PPIG: variants seen among roughly 807,000 people sequenced by gnomAD.
PPIG encodes the protein peptidyl-prolyl cis-trans isomerase G.
A neutral mutation model predicts 87.9 loss-of-function variants in PPIG; 26 were observed. That is an observed-to-expected ratio of 0.30 (90% confidence interval 0.22 to 0.41). The LOEUF (loss-of-function observed/expected upper bound fraction) is 0.41. Ranked by LOEUF, PPIG falls within the 10% of genes least tolerant of loss-of-function variation. The probability of loss-of-function intolerance (pLI) is 1.00; values close to 1 mark genes in which losing one functional copy is unlikely to be tolerated. For synonymous variants in PPIG, 308 were observed against 276.5 expected (o/e 1.11, Z -1.13); for missense variants, 722 against 879.4 (o/e 0.82, Z 2.26).
chr2:169,611,928 C>T (rs1389727200), intron 7 of PPIG, among the ~76,000 whole-genome samples: 1 of 152,020 alleles, frequency 6.6e-6, no homozygotes, highest in Non-Finnish European at 1.5e-5. Flanking sequence ...AGAAGATTTG[C>T]CATTTTAACC....
At chr2:169,602,734 A>G (rs1000391888) in intron 1 of PPIG, among the ~76,000 whole-genome samples, 1 of 152,204 alleles carries the variant, frequency 6.6e-6, no homozygotes, top group Non-Finnish European at 1.5e-5. Flanking sequence ...AACTTTTCAG[A>G]TGAATAGTAA....
At position 169,614,447 on chromosome 2, in the gene PPIG, CTG is replaced by C. The variant is rs769687272; in HGVS notation, c.378-16_378-15del. On this transcript the variant is annotated splice_polypyrimidine_tract_variant and intron_variant, in intron 7 of 13. Transcript: ENST00000260970. The stretch of plus-strand genomic sequence containing the variant: ...TCTGACTTTGTTTTTATTCTTCTAT[CTG>C]ATGATTTCCAAAAGAACAACGAAAC... The C allele has an allele frequency of 1.1e-3, 1,728 of 1,538,662 alleles. 1 individual carries two copies. The highest frequency in any genetic ancestry group is 1.4e-3 in the Non-Finnish European group (1,577 of 1,127,766).
In PPIG at chr2:169,600,078, ATT is replaced by A. The variant is rs57602241; in HGVS notation, c.-69-3549_-69-3548del. On this transcript the variant is annotated intron_variant, in intron 1 of 13. Transcript: ENST00000260970. ...ACACATTTTGTGAGAGGAAAAAAAAATTTTTTTTTTTTTTTTGAAACGGGGTC... is the reference window on the plus strand; with the variant it reads ...ACACATTTTGTGAGAGGAAAAAAAAATTTTTTTTTTTTTTGAAACGGGGTC... 1.7e-3 allele frequency among the ~76,000 whole-genome samples: 246 copies of A among 142,254 alleles called. 1 individual carries two copies. The highest frequency in any genetic ancestry group is 9.6e-3 in the Admixed American group (135 of 14,012). 93.3% of individuals were successfully genotyped at this position (142,254 alleles called of 152,430 possible).
At chr2:169,584,811 A>G (rs1684653311) in intron 1 of PPIG, 1 of 297,388 alleles carries the variant, frequency 3.4e-6, no homozygotes, top group Non-Finnish European at 6.5e-6. Context: ...CACAAGCTGT[A>G]ACATGGCGGC....
Position 169,640,853 on chromosome 2 carries a change from G to A in PPIG, c.*3330G>A, listed in dbSNP as rs1018164476. The stretch of plus-strand genomic sequence containing the variant: ...GCAAGTGCAAAGTCTTTGGCCTATT[G>A]TGTGACAAAGAGGTATATATTAAAG... On this transcript the variant is annotated 3_prime_UTR_variant, in exon 14 of 14. Coordinates refer to ENST00000260970, the MANE Select transcript of PPIG (RefSeq NM_004792.3). The A allele has an allele frequency of 2.0e-5, 3 of 152,094 alleles. No homozygotes were observed. The highest frequency in any genetic ancestry group is 2.0e-4 in the Admixed American group (3 of 15,250). 9.4% of individuals were successfully genotyped at this position (152,094 alleles called of 1,614,324 possible).
intron 1 of PPIG, among the ~76,000 whole-genome samples, chr2:169,588,089 C>T (rs1279043091): frequency 2.6e-5 from 4 of 151,998 alleles, no homozygotes; most frequent in Non-Finnish European, 4.4e-5. Flanking sequence ...CGCTTGAACC[C>T]GGGAGGTGGA....
At chr2:169,612,745 A>G (rs1685525553) in intron 7 of PPIG, among the ~76,000 whole-genome samples, 1 of 152,008 alleles carries the variant, frequency 6.6e-6, no homozygotes, top group Non-Finnish European at 1.5e-5. Flanking sequence ...TTTTTGATTC[A>G]TCTGTTAGTG....
chr2:169,595,261 A>G (rs568004556), intron 1 of PPIG, among the ~76,000 whole-genome samples: 1 of 152,170 alleles, frequency 6.6e-6, no homozygotes, highest in Non-Finnish European at 1.5e-5. Context: ...CTTAAAAGTT[A>G]CCCTTTTCTT....
At chr2:169,600,841 A>G (rs1384697183) in intron 1 of PPIG, among the ~76,000 whole-genome samples, 1 of 152,166 alleles carries the variant, frequency 6.6e-6, no homozygotes, top group African/African-American at 2.4e-5. Flanking sequence ...TTTATTTCCT[A>G]TTTTGTTTTA....
chr2:169,633,272 C>A (rs765237239), intron 12 of PPIG, 25 bp downstream of exon 12: 8 of 1,466,976 alleles, frequency 5.5e-6, no homozygotes, highest in East Asian at 2.3e-5. Context: ...CCCCAGAGAT[C>A]TTCACAATAT....
intron 1 of PPIG, among the ~76,000 whole-genome samples, chr2:169,586,129 T>C (rs1030419222): frequency 2.0e-5 from 3 of 148,866 alleles, no homozygotes; most frequent in Admixed American, 2.0e-4. Context: ...TGGTTCTGTG[T>C]CTTAAACAAG....
At chr2:169,594,197 T>C (rs892778676) in intron 1 of PPIG, among the ~76,000 whole-genome samples, 11 of 152,144 alleles carry the variant, frequency 7.2e-5, no homozygotes, top group Non-Finnish European at 8.8e-5. Flanking sequence ...TATAAACACT[T>C]ATGAATTTCT....
At chr2:169,602,477 G>A (rs1027198284) in intron 1 of PPIG, among the ~76,000 whole-genome samples, 26 of 151,974 alleles carry the variant, frequency 1.7e-4, no homozygotes, top group African/African-American at 5.3e-4. Flanking sequence ...CACCACAGCC[G>A]GCTAATTTTT....
intron 11 of PPIG, 45 bp downstream of exon 11, chr2:169,631,978 CTT>C: frequency 1.4e-6 from 2 of 1,410,620 alleles, no homozygotes; most frequent in Non-Finnish European, 1.9e-6. Flanking sequence ...TACCATAGAA[CTT>C]TTCTTTTTAA....
intron 1 of PPIG, among the ~76,000 whole-genome samples, chr2:169,603,104 A>C (rs1448947003): frequency 1.3e-5 from 2 of 152,168 alleles, no homozygotes; most frequent in Admixed American, 6.6e-5. Context: ...GTTTTGTCTT[A>C]GATATATTAA....
intron 1 of PPIG, among the ~76,000 whole-genome samples, chr2:169,591,573 TG>T (rs1684863185): frequency 6.6e-6 from 1 of 152,146 alleles, no homozygotes; most frequent in South Asian, 2.1e-4. Flanking sequence ...TTCATTATGA[TG>T]AAAAAAGTAG....
At chr2:169,619,661 A>G (rs115136195) in intron 9 of PPIG, among the ~76,000 whole-genome samples, 2,388 of 151,960 alleles carry the variant, frequency 0.016, 70 homozygotes, top group African/African-American at 0.054. Flanking sequence ...AGGAGACTTC[A>G]TTCGGTTTTC....
chr2:169,628,962 A>AAAAAAAAG (rs1685968632), intron 9 of PPIG, among the ~76,000 whole-genome samples: 2 of 133,458 alleles, frequency 1.5e-5, no homozygotes, highest in African/African-American at 2.8e-5. Context: ...AAAAAAAAAA[A>AAAAAAAAG]AAAAAAGGCA....
chr2:169,606,272 A>G (rs1434492733), intron 5 of PPIG, 126 bp downstream of exon 5: 15 of 747,102 alleles, frequency 2.0e-5, no homozygotes, highest in Non-Finnish European at 3.2e-5. Context: ...TTGGTCAATT[A>G]GAAGTACTCA....
Sources: allele counts gnomAD v4.1 joint callset (sites outside exome capture counted in the v4.1 genomes callset), GRCh38; gene constraint gnomAD v4.1.1; transcripts MANE v1.5; gene names NCBI Gene and HGNC (gene_info 2026-07-23, HGNC 2026-07-21).